HEXA: variants seen among roughly 807,000 people sequenced by gnomAD.
HEXA encodes hexosaminidase subunit alpha.
HEXA carries 54 observed loss-of-function variants against 73.3 expected under a neutral mutation model. The observed-to-expected ratio is 0.74, with a 90% CI of 0.59 to 0.92. The LOEUF is 0.92. Among genes scored for constraint, HEXA ranks in the 40% least tolerant of loss-of-function variants. The pLI, the probability that HEXA is intolerant of heterozygous loss-of-function variation, is 0.00. For missense variants in HEXA, 649 were observed against 653.0 expected (o/e 0.99, Z 0.07); for synonymous variants, 230 against 246.9 (o/e 0.93, Z 0.64).
chr15:72,372,186 TA>T (rs2089002890), intron 1 of HEXA, among the ~76,000 whole-genome samples: 1 of 151,758 alleles, frequency 6.6e-6, no homozygotes, highest in Admixed American at 6.6e-5. Context: ...CCGTCTCTAC[TA>T]AAAAATAAAA....
intron 7 of HEXA, among the ~76,000 whole-genome samples, chr15:72,349,681 T>C (rs2088669216): frequency 1.3e-5 from 2 of 152,216 alleles, no homozygotes; most frequent in Non-Finnish European, 2.9e-5. Context: ...TTTTTACATT[T>C]GCTAAGGGAT....
rs1303627128 is a variant in HEXA at position 72,371,868 on chromosome 15, T to C, written c.253+3852A>G. On this transcript the variant is annotated intron_variant, in intron 1 of 13. Coordinates refer to ENST00000268097, the MANE Select transcript of HEXA (RefSeq NM_000520.6). ...CTGCAGAAGGACACAGGCTCTTATA[T>C]AATAATCTTACTTCCATTCCAGAAT... Among the ~76,000 whole-genome samples the C allele has an allele frequency of 2.0e-5, 3 of 152,186 alleles. No homozygotes were observed. In the South Asian group the frequency reaches 6.2e-4, roughly 32 times the overall value.
intron 1 of HEXA, among the ~76,000 whole-genome samples, chr15:72,375,059 C>CT (rs1479481158): frequency 1.3e-5 from 2 of 148,572 alleles, no homozygotes; most frequent in South Asian, 2.2e-4. Context: ...ACAATTTACA[C>CT]TTTTTTTGTT....
intron 1 of HEXA, among the ~76,000 whole-genome samples, chr15:72,375,136 T>A (rs1391393805): frequency 2.0e-5 from 3 of 151,756 alleles, no homozygotes; most frequent in African/African-American, 7.2e-5. Flanking sequence ...TTGCCCAGGC[T>A]GGAGTGCAGT....
At chr15:72,363,541 G>C (rs1011859720) in intron 1 of HEXA, among the ~76,000 whole-genome samples, 2 of 152,194 alleles carry the variant, frequency 1.3e-5, no homozygotes, top group Non-Finnish European at 2.9e-5. Context: ...TAAAGTGGGA[G>C]TCTGTGAAGC....
intron 10 of HEXA, 166 bp from the exon 11 acceptor site, chr15:72,346,876 G>A (rs540688425): frequency 2.8e-6 from 2 of 714,184 alleles, no homozygotes; most frequent in East Asian, 5.3e-5. Context: ...TCAGGACAGA[G>A]GCCAAGGAAT....
In HEXA at chr15:72,345,426, A is replaced by C; in HGVS notation, c.1526+20T>G. On this transcript the variant is annotated intron_variant, in intron 13 of 13. Transcript: ENST00000268097. ...GGATCTGGCCTGCTCCGCCTTGCGA[A>C]GGCCCCACAGCTTGCTTACCTCAGC... is the stretch of plus-strand genomic sequence containing the variant. The C allele has an allele frequency of 6.2e-7, 1 of 1,614,066 alleles. No homozygotes were observed. The highest frequency in any genetic ancestry group is 8.5e-7 in the Non-Finnish European group (1 of 1,179,990).
At chr15:72,349,038 C>G (rs753217976) in intron 8 of HEXA, 41 bp downstream of exon 8, 1 of 1,553,514 alleles carries the variant, frequency 6.4e-7, no homozygotes. Context: ...TCTGAGTAAG[C>G]AACTGATCAG....
chr15:72,362,478 A>T, intron 1 of HEXA: 1 of 455,792 alleles, frequency 2.2e-6, no homozygotes, highest in Middle Eastern at 3.3e-4. Context: ...TGAAAAAATG[A>T]ATGATGTTGG....
chr15:72,341,938 C>T lies in HEXA; in HGVS notation c.*2139G>A, dbSNP rs1421907421. The T allele has an allele frequency of 2.6e-5, 4 of 152,212 alleles. No individual in the cohort carries two copies. The highest frequency in any genetic ancestry group is 9.7e-5 in the African/African-American group (4 of 41,446). The allele number at this position is 152,212 out of a possible 1,614,324, so 9.4% of individuals were successfully genotyped here. A position where few individuals can be genotyped will look rare whatever the true frequency, so the allele number is the denominator to read the frequency against. On this transcript the variant is annotated 3_prime_UTR_variant, in exon 14 of 14. Transcript: ENST00000268097. ...AGGAATAGAAAATGACAGAACCCTACTGCTTTAACTCAAGTGTATCACGAT... is the reference window on the plus strand; with the variant it reads ...AGGAATAGAAAATGACAGAACCCTATTGCTTTAACTCAAGTGTATCACGAT...
At chr15:72,356,795 G>T in intron 1 of HEXA, 178 bp from the exon 2 acceptor site, 1 of 904,850 alleles carries the variant, frequency 1.1e-6, no homozygotes, top group Non-Finnish European at 1.7e-6. Context: ...CACTCTCGTT[G>T]TGCCCCTCTT....
chr15:72,343,937 C>T lies in HEXA; in HGVS notation c.*140G>A, dbSNP rs950232590. The T allele has an allele frequency of 7.9e-5, 56 of 711,122 alleles. No homozygotes were observed. The highest frequency in any genetic ancestry group is 3.5e-5 in the African/African-American group (2 of 56,842). 44.1% of individuals were successfully genotyped at this position (711,122 alleles called of 1,614,324 possible). On this transcript the variant is annotated 3_prime_UTR_variant, in exon 14 of 14. Coordinates refer to ENST00000268097, the MANE Select transcript of HEXA (RefSeq NM_000520.6). ...CTTTATTGAATGCGAGCGCCAGCAC[C>T]GGCCCCTTTCTCTCCAAGCACAGGG... is the stretch of plus-strand genomic sequence containing the variant.
At chr15:72,367,798 G>A (rs529811837) in intron 1 of HEXA, among the ~76,000 whole-genome samples, 63 of 152,256 alleles carry the variant, frequency 4.1e-4, no homozygotes, top group Non-Finnish European at 8.4e-4. Flanking sequence ...TTTTCCACGC[G>A]CAGTTCTTTC....
At chr15:72,348,861 G>A (rs184844396) in intron 8 of HEXA, among the ~76,000 whole-genome samples, 219 of 152,230 alleles carry the variant, frequency 1.4e-3, no homozygotes, top group Non-Finnish European at 2.6e-3. Context: ...ATACCTCAAG[G>A]ATATGAGAGT....
At chr15:72,362,385 G>A in intron 1 of HEXA, 1 of 450,726 alleles carries the variant, frequency 2.2e-6, no homozygotes, top group South Asian at 1.6e-5. Context: ...CCTAGGTTGT[G>A]AGTTCCTCAA....
intron 8 of HEXA, among the ~76,000 whole-genome samples, chr15:72,348,666 C>T (rs1454917014): frequency 2.0e-5 from 3 of 152,206 alleles, no homozygotes; most frequent in African/African-American, 7.2e-5. Context: ...CTCTTTTGAG[C>T]TTACTAGAAC....
At chr15:72,350,372 A>G (rs1202354957) in intron 7 of HEXA, 146 bp downstream of exon 7, 2 of 863,484 alleles carry the variant, frequency 2.3e-6, no homozygotes, top group Non-Finnish European at 3.9e-6. Flanking sequence ...AGTTCTTCCT[A>G]TCTAAATTCC....
At chr15:72,365,454 C>G (rs527461788) in intron 1 of HEXA, among the ~76,000 whole-genome samples, 5 of 152,168 alleles carry the variant, frequency 3.3e-5, no homozygotes, top group African/African-American at 1.2e-4. Context: ...CAAATATCTG[C>G]CTCATTTTAT....
chr15:72,351,147 C>G lies in HEXA; in HGVS notation c.658G>C (p.Glu220Gln). 6.2e-7 allele frequency: 1 copy of G among 1,605,842 alleles called. No homozygotes were observed. ...CGGGAACATACCTTTCTCATGAGCT[C>G]TGGAAAAGTGAAGCTCTCATATGGG... ...SFPYESFTFP[E>Q]LMRKGSYNPV... Residue 220 changes from glutamate (E) to glutamine (Q), a missense_variant, in exon 6 of 14, where the codon GAG (glutamate) becomes CAG (glutamine). Glu to Gln is a conservative substitution (Grantham distance 29). Transcript: ENST00000268097.
Sources: gnomAD v4.1 joint callset for allele counts (sites outside exome capture counted in the v4.1 genomes callset) on GRCh38, gnomAD v4.1.1 for gene constraint, MANE v1.5 for transcripts, NCBI Gene and HGNC (gene_info 2026-07-23, HGNC 2026-07-21) for gene names.